The following PNPT1 variants were observed in gnomAD, a reference collection of about 807,000 sequenced individuals.
PNPT1 encodes polyribonucleotide nucleotidyltransferase 1, also known as polyribonucleotide nucleotidyltransferase 1, mitochondrial.
Under a neutral mutation model 119.5 loss-of-function variants are expected in PNPT1, and 53 were observed. The observed-to-expected ratio is 0.44, with a 90% CI of 0.36 to 0.56. PNPT1 has a LOEUF of 0.56. PNPT1 is among the 20% of genes least tolerant of loss of function. PNPT1 has a pLI of 0.00. For synonymous variants in PNPT1, 357 were observed against 322.1 expected (o/e 1.11, Z -1.16); for missense variants, 948 against 938.5 (o/e 1.01, Z -0.13).
At chr2:55,676,355 T>G (rs1053917630) in intron 8 of PNPT1, among the ~76,000 whole-genome samples, 2 of 151,494 alleles carry the variant, frequency 1.3e-5, no homozygotes, top group African/African-American at 4.9e-5. Flanking sequence ...GCTGAAGCTA[T>G]AAATTCTAGA....
rs1416621641 is a variant in PNPT1, at chr2:55,641,361, C to CA, written c.2070-657dup. Among the ~76,000 whole-genome samples, 8 of 149,532 alleles carry CA rather than the reference C, an allele frequency of 5.4e-5. No homozygotes were observed. In the East Asian group the frequency reaches 1.6e-3, roughly 30 times the overall value. The stretch of plus-strand genomic sequence containing the variant: ...TGGGCTCACTGCAACCTCCGCCTCC[C>CA]AGGTTCAAGTCATTCTCATGCCTCA... On this transcript the variant is annotated intron_variant, in intron 25 of 27. Coordinates refer to ENST00000447944, the MANE Select transcript of PNPT1 (RefSeq NM_033109.5).
At chr2:55,640,822 G>A (rs1398076205) in intron 25 of PNPT1, 117 bp from the exon 26 acceptor site, 2 of 668,150 alleles carry the variant, frequency 3.0e-6, no homozygotes, top group East Asian at 2.8e-5. Flanking sequence ...AACAATTCTA[G>A]CACGTTTTTA....
In PNPT1 at chr2:55,685,007, G is replaced by A. The variant is rs774225866; in HGVS notation, c.339C>T (p.Pro113=). ...CAATCTCTCTTCTCAGATAGTTTGTGGGAATTCTACCTGCTGCAGCAGCTT... is the reference window on the plus strand; with the variant it reads ...CAATCTCTCTTCTCAGATAGTTTGTAGGAATTCTACCTGCTGCAGCAGCTT... ...RQKAAAAGRI[P]TNYLRREIGT... The change falls in exon 4 of 28, where the codon CCC becomes CCT. Residue 113 remains proline (P), a synonymous_variant. Transcript: ENST00000447944. 45 of 1,595,988 alleles carry A rather than the reference G, an allele frequency of 2.8e-5. No individual in the cohort carries two copies. Among genetic ancestry groups the A allele is most frequent in the Middle Eastern group, 3.4e-4 (2 of 5,938 alleles).
At chr2:55,689,284 T>A (rs6739286) in intron 1 of PNPT1, among the ~76,000 whole-genome samples, 447 of 152,314 alleles carry the variant, frequency 2.9e-3, no homozygotes, top group African/African-American at 0.01. Context: ...AGGATTTGAA[T>A]AGCCATGTCT....
intron 23 of PNPT1, 106 bp downstream of exon 23, chr2:55,644,531 A>AT (rs1695928280): frequency 1.4e-6 from 1 of 737,606 alleles, no homozygotes; most frequent in African/African-American, 1.8e-5. Context: ...TCTTTCTCTC[A>AT]TTTCTCAAAT....
intron 1 of PNPT1, among the ~76,000 whole-genome samples, chr2:55,692,227 C>G (rs932856741): frequency 6.6e-6 from 1 of 152,004 alleles, no homozygotes; most frequent in Non-Finnish European, 1.5e-5. Context: ...CACATACACA[C>G]AGTGTGTACC....
At chr2:55,693,161 G>A (rs1468713585) in intron 1 of PNPT1, among the ~76,000 whole-genome samples, 4 of 152,166 alleles carry the variant, frequency 2.6e-5, no homozygotes, top group Non-Finnish European at 5.9e-5. Context: ...ACTTCTACAA[G>A]GTAGGCTCCT....
At chr2:55,660,651 T>A (rs774856303) in intron 14 of PNPT1, among the ~76,000 whole-genome samples, 6 of 152,142 alleles carry the variant, frequency 3.9e-5, no homozygotes, top group Non-Finnish European at 7.3e-5. Context: ...ACCAAACTCC[T>A]TCAGAGGACT....
chr2:55,673,255 A>G (rs938924284), intron 8 of PNPT1, among the ~76,000 whole-genome samples, 176 bp from the exon 9 acceptor site: 1 of 152,140 alleles, frequency 6.6e-6, no homozygotes, highest in Non-Finnish European at 1.5e-5. Flanking sequence ...AGCAGCGGTA[A>G]ATGAATAAAG....
In PNPT1 at chr2:55,692,154, G is replaced by A. The variant is rs374622153; in HGVS notation, c.161+1509C>T. 2.4e-4 allele frequency among the ~76,000 whole-genome samples: 37 copies of A among 151,882 alleles called. No homozygotes were observed. The East Asian group carries it at 4.8e-3, about 20-fold the overall frequency. Reference sequence around the variant, plus strand: ...CCCACCTCAGCCTCCCAAAGTGCTCGGATTACAGGTGTTAGCCACTGTGCT... The same window carrying A: ...CCCACCTCAGCCTCCCAAAGTGCTCAGATTACAGGTGTTAGCCACTGTGCT... On this transcript the variant is annotated intron_variant, in intron 1 of 27. Coordinates refer to ENST00000447944, the MANE Select transcript of PNPT1 (RefSeq NM_033109.5).
chr2:55,655,239 A>C (rs1371947123), intron 17 of PNPT1, among the ~76,000 whole-genome samples: 1 of 152,124 alleles, frequency 6.6e-6, no homozygotes, highest in African/African-American at 2.4e-5. Flanking sequence ...ATCATCACAA[A>C]AAGTTTTATT....
chr2:55,664,685 A>G (rs1327307399), intron 13 of PNPT1, among the ~76,000 whole-genome samples: 4 of 152,224 alleles, frequency 2.6e-5, no homozygotes, highest in East Asian at 1.9e-4. Context: ...AATCACATCA[A>G]TGATTAAATT....
Position 55,667,017 on chromosome 2 carries a change from C to G in PNPT1, c.1150G>C (p.Ala384Pro), listed in dbSNP as rs1367421909. 1.3e-6 allele frequency: 2 copies of G among 1,596,912 alleles called. No homozygotes were observed. Among genetic ancestry groups the G allele is most frequent in the East Asian group, 2.2e-5 (1 of 44,548 alleles). Residue 384 changes from alanine to proline, a missense_variant, in exon 13 of 28, where the codon GCA becomes CCA. Ala to Pro is a conservative substitution (Grantham distance 27). Coordinates refer to ENST00000447944, the MANE Select transcript of PNPT1 (RefSeq NM_033109.5). ...TGTGTTTGTCCTCTTTGAAATAATG[C>G]TGATCCATGAAGGGTTTTAAACATA... Reference protein sequence around the residue: ...VDMFKTLHGSALFQRGQTQVL... With the variant: ...VDMFKTLHGSPLFQRGQTQVL...
At chr2:55,650,970 A>G (rs1696166860) in intron 18 of PNPT1, among the ~76,000 whole-genome samples, 1 of 133,608 alleles carries the variant, frequency 7.5e-6, no homozygotes, top group Admixed American at 7.3e-5. Flanking sequence ...CCGCCCGGCC[A>G]GCCGCCCCGT....
intron 15 of PNPT1, among the ~76,000 whole-genome samples, chr2:55,658,450 G>T (rs1375130266): frequency 2.0e-5 from 3 of 152,142 alleles, no homozygotes; most frequent in Non-Finnish European, 4.4e-5. Context: ...CCTGACTTGG[G>T]TGGTGGTTAC....
intron 1 of PNPT1, among the ~76,000 whole-genome samples, chr2:55,688,011 G>C (rs566813585): frequency 1.3e-5 from 2 of 151,782 alleles, no homozygotes; most frequent in Non-Finnish European, 2.9e-5. Flanking sequence ...TTTGAGGTGG[G>C]GGGTGGTCTT....
chr2:55,644,706 G>C lies in PNPT1; in HGVS notation c.1837C>G (p.Pro613Ala). 1 of 1,609,702 alleles carries C rather than the reference G, an allele frequency of 6.2e-7. No homozygotes were observed. The highest frequency in any genetic ancestry group is 8.5e-7 in the Non-Finnish European group (1 of 1,176,800). ...ACAAATTTTGCTCGTTTTGATAATGGAACCTGAACAGTTTCTGGAACGTAA... is the reference window on the plus strand; with the variant it reads ...ACAAATTTTGCTCGTTTTGATAATGCAACCTGAACAGTTTCTGGAACGTAA... The part of the protein sequence containing the change: ...NGPVVETVQV[P>A]LSKRAKFVGP... The change falls in exon 23 of 28, where the codon CCA becomes GCA. Residue 613 changes from proline (P) to alanine (A), a missense_variant. Transcript: ENST00000447944.
At chr2:55,690,116 C>A (rs1697544325) in intron 1 of PNPT1, among the ~76,000 whole-genome samples, 1 of 152,162 alleles carries the variant, frequency 6.6e-6, no homozygotes, top group Non-Finnish European at 1.5e-5. Flanking sequence ...GCCACTGCTC[C>A]CAGACGAGTT....
At chr2:55,641,259 T>A (rs1695826303) in intron 25 of PNPT1, among the ~76,000 whole-genome samples, 1 of 151,286 alleles carries the variant, frequency 6.6e-6, no homozygotes, top group South Asian at 2.1e-4. Flanking sequence ...TTCTTCTGTA[T>A]TTCTCTTAAC....
Sources: allele counts gnomAD v4.1 joint callset (sites outside exome capture counted in the v4.1 genomes callset), GRCh38; gene constraint gnomAD v4.1.1; transcripts MANE v1.5; gene names NCBI Gene and HGNC (gene_info 2026-07-23, HGNC 2026-07-21).